Variants in CAMK4 observed in about 807,000 individuals in gnomAD.
The protein encoded by CAMK4 is calcium/calmodulin dependent protein kinase IV.
In CAMK4, 22 loss-of-function variants were observed where a neutral mutation model predicts 44.9. The ratio of observed to expected loss-of-function variants is 0.49; its 90% CI spans 0.35 to 0.70. CAMK4 has a LOEUF of 0.70. CAMK4 is among the 30% of genes least tolerant of loss of function. The pLI is 0.01. For missense variants in CAMK4, 498 were observed against 586.8 expected, an observed-to-expected ratio of 0.85 and a Z score of 1.56; for synonymous variants, 218 against 215.4, an observed-to-expected ratio of 1.01 and a Z score of -0.11.
chr5:111,355,852 A>G (rs1229724040), intron 2 of CAMK4, among the ~76,000 whole-genome samples: 6 of 142,400 alleles, frequency 4.2e-5, no homozygotes, highest in African/African-American at 1.6e-4. Context: ...TTATGGCTGC[A>G]TAGTATTCCA....
rs1490379311 is a variant in CAMK4 at position 111,492,818 on chromosome 5, A to AGAT, written c.*8353_*8355dup. 3 of 152,178 alleles carry AGAT rather than the reference A, an allele frequency of 2.0e-5. No homozygotes were observed. The East Asian group carries it at 5.8e-4, about 29-fold the overall frequency. 9.4% of individuals were successfully genotyped at this position (152,178 alleles called of 1,614,324 possible). On this transcript the variant is annotated 3_prime_UTR_variant, in exon 11 of 11. Transcript: ENST00000282356. ...AGTTGGAGAGAAAAGCCAACCTTAT[A>AGAT]GATACAACCTGTACATATATAACCT...
intron 7 of CAMK4, among the ~76,000 whole-genome samples, chr5:111,459,686 C>CTTTTTTTTTTTTT (rs56176713): frequency 2.3e-5 from 2 of 86,688 alleles, no homozygotes; most frequent in African/African-American, 1.0e-4. Flanking sequence ...TAGAGACAGT[C>CTTTTTTTTTTTTT]TTTTTTTTTT....
chr5:111,312,217 T>C (rs1460705972), intron 1 of CAMK4, among the ~76,000 whole-genome samples: 2 of 152,134 alleles, frequency 1.3e-5, no homozygotes, highest in Admixed American at 1.3e-4. Context: ...GGACTCCTAA[T>C]AGATGCCCAG....
At chr5:111,285,581 C>T (rs767600346) in intron 1 of CAMK4, among the ~76,000 whole-genome samples, 1 of 152,200 alleles carries the variant, frequency 6.6e-6, no homozygotes, top group East Asian at 1.9e-4. Context: ...TTTCTTAATT[C>T]ATTCAAAATC....
intron 5 of CAMK4, among the ~76,000 whole-genome samples, chr5:111,415,289 T>C (rs116166312): frequency 1.1e-4 from 17 of 152,212 alleles, no homozygotes; most frequent in Non-Finnish European, 2.4e-4. Context: ...CTGTATACCC[T>C]CATGCTCTTT....
chr5:111,299,344 G>A (rs1444150085), intron 1 of CAMK4, among the ~76,000 whole-genome samples: 5 of 152,066 alleles, frequency 3.3e-5, no homozygotes, highest in Admixed American at 6.5e-5. Flanking sequence ...TGTACATAAC[G>A]GCTTGTGTCC....
chr5:111,264,523 C>T (rs551474518), intron 1 of CAMK4, among the ~76,000 whole-genome samples: 2 of 152,070 alleles, frequency 1.3e-5, no homozygotes, highest in African/African-American at 4.8e-5. Context: ...TATTCAGTGT[C>T]GTTTGTCAGT....
chr5:111,253,118 G>T (rs1339457416), intron 1 of CAMK4, among the ~76,000 whole-genome samples: 2 of 152,206 alleles, frequency 1.3e-5, no homozygotes, highest in East Asian at 3.8e-4. Context: ...ACAGACACAT[G>T]TACATACACA....
chr5:111,454,183 A>T (rs1439416755), intron 7 of CAMK4, among the ~76,000 whole-genome samples: 1 of 152,212 alleles, frequency 6.6e-6, no homozygotes, highest in Non-Finnish European at 1.5e-5. Flanking sequence ...GACAGAGATG[A>T]GATGCGAGCT....
chr5:111,389,696 C>T (rs1751732432), intron 4 of CAMK4, among the ~76,000 whole-genome samples: 1 of 152,094 alleles, frequency 6.6e-6, no homozygotes, highest in South Asian at 2.1e-4. Flanking sequence ...TGTTGTAGGC[C>T]AGAAGGTAAT....
chr5:111,369,295 C>A (rs530023619), intron 2 of CAMK4, among the ~76,000 whole-genome samples: 14 of 152,154 alleles, frequency 9.2e-5, no homozygotes, highest in African/African-American at 3.4e-4. Flanking sequence ...AAACTCCTGG[C>A]TCCAAGTGAT....
At position 111,289,681 on chromosome 5, in the gene CAMK4, A is replaced by C. The variant is rs942727235; in HGVS notation, c.162-54343A>C. On this transcript the variant is annotated intron_variant, in intron 1 of 10. Transcript: ENST00000282356. ...TGTGGGTTGACTGCTGGGTAGTTCCACATCTTTATCCCCAAGAGATCTAAA... is the reference window on the plus strand; with the variant it reads ...TGTGGGTTGACTGCTGGGTAGTTCCCCATCTTTATCCCCAAGAGATCTAAA... Among the ~76,000 whole-genome samples, 11 of 152,284 alleles carry C rather than the reference A, an allele frequency of 7.2e-5. 1 individual carries two copies. The highest frequency in any genetic ancestry group is 3.9e-4 in the East Asian group (2 of 5,184).
chr5:111,262,942 C>A (rs1451164198), intron 1 of CAMK4, among the ~76,000 whole-genome samples: 1 of 152,212 alleles, frequency 6.6e-6, no homozygotes, highest in Non-Finnish European at 1.5e-5. Context: ...TCATTGCTTT[C>A]TCTTTGTCAT....
intron 1 of CAMK4, among the ~76,000 whole-genome samples, chr5:111,260,240 T>A (rs766754089): frequency 4.6e-5 from 7 of 152,126 alleles, no homozygotes; most frequent in Non-Finnish European, 1.0e-4. Context: ...AACAGTAAGA[T>A]CTCCTTACTG....
At position 111,491,098 on chromosome 5, in the gene CAMK4, T is replaced by C. The variant is rs956271880; in HGVS notation, c.*6632T>C. 6.6e-6 allele frequency: 1 copy of C among 152,082 alleles called. No individual in the cohort carries two copies. Among genetic ancestry groups the C allele is most frequent in the African/African-American group, 2.4e-5 (1 of 41,346 alleles). The allele number at this position is 152,082 out of a possible 1,614,324, so 9.4% of individuals were successfully genotyped here. A position where few individuals can be genotyped will look rare whatever the true frequency, so the allele number is the denominator to read the frequency against. On this transcript the variant is annotated 3_prime_UTR_variant, in exon 11 of 11. Coordinates refer to ENST00000282356, the MANE Select transcript of CAMK4 (RefSeq NM_001744.6). ...ACACACATTAAAACTTATGTGCATA[T>C]TTTTTTAAAGAGTAATTTCCACATA...
At chr5:111,310,523 A>G (rs1748156167) in intron 1 of CAMK4, among the ~76,000 whole-genome samples, 1 of 152,172 alleles carries the variant, frequency 6.6e-6, no homozygotes, top group African/African-American at 2.4e-5. Flanking sequence ...TAAAAAGAAG[A>G]TGTCGCTTTA....
chr5:111,479,852 C>A (rs912916191), intron 9 of CAMK4, among the ~76,000 whole-genome samples: 2 of 152,106 alleles, frequency 1.3e-5, no homozygotes, highest in African/African-American at 4.8e-5. Flanking sequence ...CTCCTAAACA[C>A]CTCTTGAATC....
At chr5:111,445,537 T>C (rs1327250910) in intron 5 of CAMK4, among the ~76,000 whole-genome samples, 1 of 152,082 alleles carries the variant, frequency 6.6e-6, no homozygotes, top group African/African-American at 2.4e-5. Context: ...CAAGTGATCC[T>C]CCCACCTCAG....
chr5:111,288,428 A>G (rs1751320720), intron 1 of CAMK4, among the ~76,000 whole-genome samples: 1 of 152,208 alleles, frequency 6.6e-6, no homozygotes, highest in Non-Finnish European at 1.5e-5. Context: ...TACCACCAAT[A>G]GTGTATGAGA....
Sources: allele counts gnomAD v4.1 joint callset (sites outside exome capture counted in the v4.1 genomes callset), GRCh38; gene constraint gnomAD v4.1.1; transcripts MANE v1.5; gene names NCBI Gene and HGNC (gene_info 2026-07-23, HGNC 2026-07-21).